The following CACNA1H variants were observed in gnomAD, a reference collection of about 807,000 sequenced individuals.
The protein encoded by CACNA1H is calcium voltage-gated channel subunit alpha1 H, also known as voltage-dependent T-type calcium channel subunit alpha-1H.
A neutral mutation model predicts 192.5 loss-of-function variants in CACNA1H; 149 were observed. That is an observed-to-expected ratio of 0.77 (90% CI 0.68 to 0.89). CACNA1H has a LOEUF of 0.89. Ranked by LOEUF, CACNA1H falls within the 40% of genes least tolerant of loss-of-function variation. The pLI is 0.00. For missense variants in CACNA1H, 4,257 were observed against 3,423.5 expected (o/e 1.24, Z -6.08); for synonymous variants, 2,202 against 1,475.2 (o/e 1.49, Z -11.29).
chr16:1,200,066 C>T (rs967246022), intron 6 of CACNA1H, among the ~76,000 whole-genome samples, 190 bp from the exon 7 acceptor site: 5 of 152,074 alleles, frequency 3.3e-5, no homozygotes, highest in Non-Finnish European at 7.4e-5. Context: ...TCCCCTGATC[C>T]GGGTCTTGAC....
chr16:1,198,902 T>C (rs1180966369), intron 6 of CACNA1H, 128 bp downstream of exon 6: 8 of 816,234 alleles, frequency 9.8e-6, no homozygotes. Flanking sequence ...CCGCCACTGC[T>C]GTCCCCGTCA....
In CACNA1H at chr16:1,200,494, C is replaced by A. The variant is rs781599681; in HGVS notation, c.1042C>A (p.Arg348Ser). 2 of 1,612,242 alleles carry A rather than the reference C, an allele frequency of 1.2e-6. No individual in the cohort carries two copies. Among genetic ancestry groups the A allele is most frequent in the African/African-American group, 1.3e-5 (1 of 75,044 alleles). Residue 348 changes from arginine to serine, a missense_variant, in exon 7 of 35, where the codon CGC (arginine) becomes AGC (serine). By Grantham distance (110) the Arg-to-Ser change is moderately radical. Coordinates refer to ENST00000348261, the MANE Select transcript of CACNA1H (RefSeq NM_021098.3). ...INWNQYYNVC[R>S]SGDSNPHNGA... is the part of the protein sequence containing the mutation. ...CTGGAACCAGTACTACAACGTGTGCCGCTCGGGTGACTCCAACCCCCACAA... is the reference window on the plus strand; with the variant it reads ...CTGGAACCAGTACTACAACGTGTGCAGCTCGGGTGACTCCAACCCCCACAA...
At chr16:1,198,535 G>C in intron 5 of CACNA1H, 80 bp from the exon 6 acceptor site, 1 of 1,510,462 alleles carries the variant, frequency 6.6e-7, no homozygotes, top group Non-Finnish European at 9.1e-7. Flanking sequence ...GACGGGGCTC[G>C]GGGGTCCCGG....
chr16:1,164,670 C>T (rs1963575432), intron 2 of CACNA1H, among the ~76,000 whole-genome samples: 1 of 152,236 alleles, frequency 6.6e-6, no homozygotes, highest in Admixed American at 6.5e-5. Flanking sequence ...GGGAGTGAGG[C>T]CTTTCCGTCG....
chr16:1,158,727 G>A (rs900497261), intron 2 of CACNA1H, among the ~76,000 whole-genome samples: 2 of 152,188 alleles, frequency 1.3e-5, no homozygotes, highest in African/African-American at 4.8e-5. Flanking sequence ...TGCCGGGCAT[G>A]TGACCTTGGT....
At chr16:1,166,627 C>T (rs544566413) in intron 2 of CACNA1H, among the ~76,000 whole-genome samples, 1 of 152,120 alleles carries the variant, frequency 6.6e-6, no homozygotes, top group African/African-American at 2.4e-5. Flanking sequence ...CTCGGCGTCT[C>T]CCGCTGGCCT....
rs1474780353 is a variant in CACNA1H, at chr16:1,210,107, G to T, written c.3817G>T (p.Ala1273Ser). ...GTGGTGCCGGAGCCGCGAGGCCTGGGCCCTCTACCTCTTCTCCCCACAGAA... is the reference window on the plus strand; with the variant it reads ...GTGGTGCCGGAGCCGCGAGGCCTGGTCCCTCTACCTCTTCTCCCCACAGAA... ...PQWCRSREAW[A>S]LYLFSPQNRF... is the part of the protein sequence containing the mutation. Residue 1273 changes from alanine to serine, a missense_variant, in exon 18 of 35, where the codon GCC becomes TCC. Ala to Ser is a moderately conservative substitution (Grantham distance 99). Coordinates refer to ENST00000348261, the MANE Select transcript of CACNA1H (RefSeq NM_021098.3). 1 of 1,559,894 alleles carries T rather than the reference G, an allele frequency of 6.4e-7. No individual in the cohort carries two copies.
chr16:1,189,494 G>A (rs1164990543), intron 2 of CACNA1H, among the ~76,000 whole-genome samples: 2 of 137,118 alleles, frequency 1.5e-5, no homozygotes, highest in Non-Finnish European at 3.1e-5. Flanking sequence ...GTGGCTCACT[G>A]TAGCTTCCAC....
chr16:1,171,669 C>T (rs1429982642), intron 2 of CACNA1H, among the ~76,000 whole-genome samples: 1 of 152,186 alleles, frequency 6.6e-6, no homozygotes, highest in Non-Finnish European at 1.5e-5. Flanking sequence ...CTGCCTCCGT[C>T]CTTCCCGCCT....
rs369343052 is a variant in CACNA1H, at chr16:1,210,097, C to T, written c.3807C>T (p.Arg1269=). ...ACAAGCCCCAGTGGTGCCGGAGCCG[C>T]GAGGCCTGGGCCCTCTACCTCTTCT... ...EPYKPQWCRS[R]EAWALYLFSP... The change falls in exon 18 of 35, where the codon CGC becomes CGT. Residue 1269 remains arginine (R), a synonymous_variant. Transcript: ENST00000348261. 65 of 1,560,124 alleles carry T rather than the reference C, an allele frequency of 4.2e-5. No homozygotes were observed. Among genetic ancestry groups the T allele is most frequent in the Middle Eastern group, 1.7e-4 (1 of 6,000 alleles).
intron 2 of CACNA1H, among the ~76,000 whole-genome samples, chr16:1,163,258 C>T (rs1199234545): frequency 2.0e-5 from 3 of 152,242 alleles, no homozygotes; most frequent in African/African-American, 7.2e-5. Context: ...TGGGGGTGGC[C>T]TCGGCCCAGC....
At position 1,195,973 on chromosome 16, in the gene CACNA1H, T is replaced by C. The variant is rs1271972857; in HGVS notation, c.593T>C (p.Ile198Thr). Residue 198 changes from isoleucine to threonine, a missense_variant, in exon 5 of 35, where the codon ATC becomes ACC. Ile to Thr is a moderately conservative substitution (Grantham distance 89). Coordinates refer to ENST00000348261, the MANE Select transcript of CACNA1H (RefSeq NM_021098.3). ...GGACACAACGTGAGCCTCTCGGCTA[T>C]CAGGACCGTGCGGGTGCTGCGGCCC... is the stretch of plus-strand genomic sequence containing the variant. ...LDGHNVSLSA[I>T]RTVRVLRPLR... 1 of 1,613,108 alleles carries C rather than the reference T, an allele frequency of 6.2e-7. No homozygotes were observed.
Position 1,211,111 on chromosome 16 carries a change from C to T in CACNA1H, c.4224-57C>T, listed in dbSNP as rs546172605. On this transcript the variant is annotated intron_variant, in intron 21 of 34. Transcript: ENST00000348261. ...CCTTGGGACCTTTGCTGAGCTCTGC[C>T]GGCGCCTGGCAGCTGCTGCCATAGA... 154 of 1,592,808 alleles carry T rather than the reference C, an allele frequency of 9.7e-5. 1 individual carries two copies. The Middle Eastern group carries it at 2.1e-3, about 22-fold the overall frequency.
At chr16:1,190,338 T>A (rs1966489843) in intron 2 of CACNA1H, among the ~76,000 whole-genome samples, 1 of 152,236 alleles carries the variant, frequency 6.6e-6, no homozygotes, top group South Asian at 2.1e-4. Context: ...TGATTAAGCC[T>A]CCAGAAGTCA....
At chr16:1,219,549 A>G (rs1157561507) in intron 34 of CACNA1H, among the ~76,000 whole-genome samples, 1 of 152,112 alleles carries the variant, frequency 6.6e-6, no homozygotes, top group Non-Finnish European at 1.5e-5. Context: ...TTGTGTTCAG[A>G]TGTCCCAGCC....
chr16:1,215,221 G>A lies in CACNA1H; in HGVS notation c.5040-21G>A, dbSNP rs534538840. ...CGAGGCGGGGACCCCAGACGTGTGCGCTGAGCCTCCGGCCACACAGGTGGA... is the reference window on the plus strand; with the variant it reads ...CGAGGCGGGGACCCCAGACGTGTGCACTGAGCCTCCGGCCACACAGGTGGA... On this transcript the variant is annotated intron_variant, in intron 28 of 34. Coordinates refer to ENST00000348261, the MANE Select transcript of CACNA1H (RefSeq NM_021098.3). 5.7e-5 allele frequency: 91 copies of A among 1,594,430 alleles called. 2 individuals are homozygous for A. The South Asian group carries it at 8.6e-4, about 15-fold the overall frequency.
At chr16:1,188,925 C>T (rs1321181646) in intron 2 of CACNA1H, among the ~76,000 whole-genome samples, 2 of 152,234 alleles carry the variant, frequency 1.3e-5, no homozygotes, top group Non-Finnish European at 2.9e-5. Flanking sequence ...TGCGTCCACA[C>T]CTCCTGGCCC....
chr16:1,208,807 C>G (rs1969070302), intron 16 of CACNA1H, among the ~76,000 whole-genome samples: 1 of 152,186 alleles, frequency 6.6e-6, no homozygotes, highest in African/African-American at 2.4e-5. Context: ...CCTGACCCAG[C>G]AGAGCCCAGG....
intron 2 of CACNA1H, among the ~76,000 whole-genome samples, chr16:1,171,113 C>T (rs1020679816): frequency 6.6e-6 from 1 of 152,170 alleles, no homozygotes; most frequent in Non-Finnish European, 1.5e-5. Flanking sequence ...CCTGCTGAGC[C>T]CCTCCCCTCC....
Sources: allele counts gnomAD v4.1 joint callset (sites outside exome capture counted in the v4.1 genomes callset), GRCh38; gene constraint gnomAD v4.1.1; transcripts MANE v1.5; gene names NCBI Gene and HGNC (gene_info 2026-07-23, HGNC 2026-07-21).